Variants in STXBP6 observed in about 807,000 individuals in gnomAD.
STXBP6 encodes the protein syntaxin binding protein 6, also known as syntaxin-binding protein 6.
Under a neutral mutation model 26.9 loss-of-function variants are expected in STXBP6, and 21 were observed. That is an observed-to-expected ratio of 0.78 (90% CI 0.55 to 1.12). The LOEUF (loss-of-function observed/expected upper bound fraction) is 1.12. Among genes scored for constraint, STXBP6 ranks in the 50% most tolerant of loss-of-function variants. STXBP6 has a pLI of 0.00. For missense variants in STXBP6, 232 were observed against 257.9 expected (o/e 0.90, Z 0.69); for synonymous variants, 97 against 92.6 (o/e 1.05, Z -0.27).
chr14:24,916,363 T>C (rs2071765094), intron 2 of STXBP6, among the ~76,000 whole-genome samples: 1 of 152,102 alleles, frequency 6.6e-6, no homozygotes, highest in East Asian at 1.9e-4. Flanking sequence ...ACATAACACC[T>C]TTCTGAGTCA....
intron 2 of STXBP6, among the ~76,000 whole-genome samples, chr14:24,876,025 G>T (rs569444141): frequency 6.6e-6 from 1 of 152,248 alleles, no homozygotes; most frequent in African/African-American, 2.4e-5. Context: ...GGGGTGAGAG[G>T]TGGGTTTTTG....
chr14:24,883,192 T>G (rs1170137901), intron 2 of STXBP6, among the ~76,000 whole-genome samples: 1 of 152,328 alleles, frequency 6.6e-6, no homozygotes, highest in Non-Finnish European at 1.5e-5. Flanking sequence ...GGTGTTCCTC[T>G]GAGTGTTTAC....
At chr14:25,047,034 G>A (rs1378958752) in intron 1 of STXBP6, among the ~76,000 whole-genome samples, 2 of 152,146 alleles carry the variant, frequency 1.3e-5, no homozygotes, top group Non-Finnish European at 2.9e-5. Context: ...GCCTGGGTAA[G>A]CTGTCCATTC....
intron 2 of STXBP6, among the ~76,000 whole-genome samples, chr14:24,878,114 AAGG>A (rs1158480501): frequency 6.6e-6 from 1 of 152,044 alleles, no homozygotes; most frequent in Non-Finnish European, 1.5e-5. Flanking sequence ...TTTCTATTCT[AAGG>A]AGATTAGCCC....
At chr14:24,872,708 T>C (rs2069983298) in intron 2 of STXBP6, among the ~76,000 whole-genome samples, 1 of 152,198 alleles carries the variant, frequency 6.6e-6, no homozygotes, top group Non-Finnish European at 1.5e-5. Context: ...GGCTACCCTC[T>C]TGACCACAGG....
intron 1 of STXBP6, among the ~76,000 whole-genome samples, chr14:24,975,315 T>C (rs1243043647): frequency 6.6e-6 from 1 of 152,192 alleles, no homozygotes; most frequent in Non-Finnish European, 1.5e-5. Flanking sequence ...CCTAATTCCA[T>C]TCATAATGGA....
intron 1 of STXBP6, among the ~76,000 whole-genome samples, chr14:25,024,911 A>G (rs2075321749): frequency 6.6e-6 from 1 of 152,178 alleles, no homozygotes; most frequent in African/African-American, 2.4e-5. Flanking sequence ...GTAATAAATG[A>G]TGTCCATTTA....
intron 4 of STXBP6, among the ~76,000 whole-genome samples, chr14:24,844,804 T>C (rs956020540): frequency 2.0e-5 from 3 of 152,184 alleles, no homozygotes; most frequent in Non-Finnish European, 2.9e-5. Context: ...TGTGAACTTG[T>C]CTGTAATGAT....
intron 2 of STXBP6, among the ~76,000 whole-genome samples, chr14:24,951,995 T>C (rs1400962976): frequency 6.6e-6 from 1 of 151,466 alleles, no homozygotes; most frequent in Non-Finnish European, 1.5e-5. Context: ...GGTATTTTGA[T>C]TGTGTTTTTA....
chr14:24,833,757 A>C (rs2068529177), intron 4 of STXBP6, among the ~76,000 whole-genome samples: 1 of 152,248 alleles, frequency 6.6e-6, no homozygotes, highest in Non-Finnish European at 1.5e-5. Flanking sequence ...ATTATGTACA[A>C]AATATATCAA....
chr14:24,910,752 T>C (rs2071542226), intron 2 of STXBP6, among the ~76,000 whole-genome samples: 1 of 152,208 alleles, frequency 6.6e-6, no homozygotes, highest in Non-Finnish European at 1.5e-5. Context: ...CTACTGCTAA[T>C]ATCAGAGATG....
intron 4 of STXBP6, among the ~76,000 whole-genome samples, chr14:24,832,876 AG>A (rs1222544157): frequency 6.6e-6 from 1 of 152,218 alleles, no homozygotes; most frequent in Non-Finnish European, 1.5e-5. Flanking sequence ...CGATTTGCTA[AG>A]TGACTACCAT....
chr14:24,883,054 ATAAT>A (rs2070432715), intron 2 of STXBP6, among the ~76,000 whole-genome samples: 1 of 152,236 alleles, frequency 6.6e-6, no homozygotes, highest in Non-Finnish European at 1.5e-5. Context: ...GTATTTTCAC[ATAAT>A]TAAATATGCA....
chr14:24,910,288 T>C (rs1278784322), intron 2 of STXBP6, among the ~76,000 whole-genome samples: 1 of 152,218 alleles, frequency 6.6e-6, no homozygotes, highest in Non-Finnish European at 1.5e-5. Context: ...ATCTATGTTG[T>C]TTTATAGTTA....
At chr14:25,025,201 C>T (rs1416112346) in intron 1 of STXBP6, among the ~76,000 whole-genome samples, 1 of 151,746 alleles carries the variant, frequency 6.6e-6, no homozygotes, top group Non-Finnish European at 1.5e-5. Flanking sequence ...AATTATTTTA[C>T]ATTTTGTATT....
intron 4 of STXBP6, among the ~76,000 whole-genome samples, chr14:24,830,176 G>A (rs1054855617): frequency 1.3e-5 from 2 of 152,054 alleles, no homozygotes; most frequent in Non-Finnish European, 2.9e-5. Context: ...AGGCAGATTA[G>A]ATAGGGGCTT....
chr14:24,923,650 T>C (rs2072062269), intron 2 of STXBP6, among the ~76,000 whole-genome samples: 1 of 152,194 alleles, frequency 6.6e-6, no homozygotes, highest in Non-Finnish European at 1.5e-5. Context: ...GAGAGTGAAA[T>C]GGCATCTCAT....
At chr14:25,036,355 T>C (rs1347476351) in intron 1 of STXBP6, among the ~76,000 whole-genome samples, 1 of 151,640 alleles carries the variant, frequency 6.6e-6, no homozygotes, top group Non-Finnish European at 1.5e-5. Flanking sequence ...TGAGAACAGG[T>C]CTCTGGGATG....
At chr14:25,044,897 A>T (rs1252222287) in intron 1 of STXBP6, among the ~76,000 whole-genome samples, 1 of 152,212 alleles carries the variant, frequency 6.6e-6, no homozygotes, top group Non-Finnish European at 1.5e-5. Context: ...AATGTCCCTT[A>T]TCTATCAAAG....
Sources: gnomAD v4.1 joint callset for allele counts (sites outside exome capture counted in the v4.1 genomes callset) on GRCh38, gnomAD v4.1.1 for gene constraint, MANE v1.5 for transcripts, NCBI Gene and HGNC (gene_info 2026-07-23, HGNC 2026-07-21) for gene names.